The following RNF144A variants were observed in gnomAD, a reference collection of about 807,000 sequenced individuals.
The protein encoded by RNF144A is E3 ubiquitin-protein ligase RNF144A.
A neutral mutation model predicts 38.7 loss-of-function variants in RNF144A; 11 were observed. The observed-to-expected ratio is 0.28, with a 90% CI of 0.18 to 0.47. RNF144A has a LOEUF of 0.47. Ranked by LOEUF, RNF144A falls within the 20% of genes least tolerant of loss-of-function variation. The pLI is 0.99. For missense variants in RNF144A, 316 were observed against 377.2 expected, an observed-to-expected ratio of 0.84 and a Z score of 1.34; for synonymous variants, 149 against 143.9, an observed-to-expected ratio of 1.04 and a Z score of -0.25.
At chr2:6,983,454 T>C (rs1668764727) in intron 2 of RNF144A, among the ~76,000 whole-genome samples, 1 of 152,226 alleles carries the variant, frequency 6.6e-6, no homozygotes, top group Non-Finnish European at 1.5e-5. Context: ...ATCACGCCTC[T>C]GGCCATCGTG....
chr2:7,001,370 TAAAA>T (rs1174006365), intron 3 of RNF144A, among the ~76,000 whole-genome samples: 1 of 149,598 alleles, frequency 6.7e-6, no homozygotes. Context: ...TTAAAATAAA[TAAAA>T]AAATAAAAGT....
downstream of RNF144A, among the ~76,000 whole-genome samples, chr2:7,045,414 G>A (rs61494548): frequency 0.11 from 16,050 of 152,168 alleles, 911 homozygotes; most frequent in African/African-American, 0.13. Context: ...TTCTGAGAGC[G>A]GTAAGGAGGA....
At position 6,938,943 on chromosome 2, in the gene RNF144A, C is replaced by T. The variant is rs1665782592; in HGVS notation, c.-211-2005C>T. 2.6e-5 allele frequency among the ~76,000 whole-genome samples: 4 copies of T among 152,250 alleles called. No homozygotes were observed. The South Asian group carries it at 8.3e-4, about 32-fold the overall frequency. On this transcript the variant is annotated intron_variant, in intron 1 of 8. Transcript: ENST00000320892. ...TTCCTTTATGTGGCCAAATCCATTG[C>T]ATAGATTTGCCTCAGTCTTTTTTTT...
chr2:6,988,151 G>T (rs1169395948), intron 2 of RNF144A, among the ~76,000 whole-genome samples: 1 of 152,238 alleles, frequency 6.6e-6, no homozygotes, highest in Non-Finnish European at 1.5e-5. Context: ...TTTAGATACA[G>T]ATTTAGATGG....
intron 1 of RNF144A, among the ~76,000 whole-genome samples, chr2:6,920,287 C>G (rs1212511954): frequency 6.6e-6 from 1 of 152,158 alleles, no homozygotes; most frequent in South Asian, 2.1e-4. Flanking sequence ...ATCACAGAAC[C>G]AGGTGGGCCA....
chr2:7,041,327 T>G lies in RNF144A; in HGVS notation c.*1567T>G. 3 of 985,816 alleles carry G rather than the reference T, an allele frequency of 3.0e-6. No homozygotes were observed. The highest frequency in any genetic ancestry group is 3.6e-6 in the Non-Finnish European group (3 of 829,868). The allele number at this position is 985,816 out of a possible 1,614,324, so 61.1% of individuals were successfully genotyped here. A position where few individuals can be genotyped will look rare whatever the true frequency, so the allele number is the denominator to read the frequency against. ...CTTTCCCTGGTTGGAAATTTATTTC[T>G]TATTTCCTAACATTGAATTCGTTAG... On this transcript the variant is annotated 3_prime_UTR_variant, in exon 9 of 9. Coordinates refer to ENST00000320892, the MANE Select transcript of RNF144A (RefSeq NM_014746.6).
chr2:6,930,127 G>A (rs780254526), intron 1 of RNF144A, among the ~76,000 whole-genome samples: 5 of 152,192 alleles, frequency 3.3e-5, no homozygotes, highest in African/African-American at 4.8e-5. Context: ...ATGCACAAAT[G>A]TATTTCTTCA....
downstream of RNF144A, among the ~76,000 whole-genome samples, chr2:7,045,863 G>A (rs1036955683): frequency 6.6e-6 from 1 of 151,902 alleles, no homozygotes; most frequent in African/African-American, 2.4e-5. Flanking sequence ...ACGCTGGGTT[G>A]CACATCAATT....
intron 7 of RNF144A, among the ~76,000 whole-genome samples, chr2:7,029,304 G>A (rs996655418): frequency 8.5e-5 from 13 of 152,312 alleles, no homozygotes; most frequent in South Asian, 4.1e-4. Context: ...TAGAGGGCTC[G>A]GTATAGAAAT....
rs552763188 is a variant in RNF144A, at chr2:6,952,383, A to G, written c.-12+11236A>G. Among the ~76,000 whole-genome samples the G allele has an allele frequency of 6.4e-3, 597 of 93,714 alleles. 4 individuals are homozygous for G. The highest frequency in any genetic ancestry group is 0.027 in the African/African-American group (570 of 21,220). 61.5% of individuals were successfully genotyped at this position (93,714 alleles called of 152,430 possible). ...TCCTTAACTGCTTTTGTCTGATTGA[A>G]GAGGGAGGGTTTTTTTTTTTTCCTG... On this transcript the variant is annotated intron_variant, in intron 2 of 8. Transcript: ENST00000320892.
At chr2:6,921,691 A>G (rs1468611142) in intron 1 of RNF144A, among the ~76,000 whole-genome samples, 3 of 152,194 alleles carry the variant, frequency 2.0e-5, no homozygotes, top group Non-Finnish European at 2.9e-5. Context: ...GGGTCAGGGC[A>G]GCATGGGAGG....
chr2:6,972,186 C>G (rs1480853985), intron 2 of RNF144A, among the ~76,000 whole-genome samples: 1 of 152,156 alleles, frequency 6.6e-6, no homozygotes, highest in African/African-American at 2.4e-5. Flanking sequence ...ACTGGTCTGC[C>G]TCCTCTTCTT....
intron 3 of RNF144A, among the ~76,000 whole-genome samples, chr2:7,009,132 C>T (rs553361450): frequency 6.6e-6 from 1 of 152,196 alleles, no homozygotes; most frequent in Admixed American, 6.6e-5. Flanking sequence ...GACCCATACA[C>T]AGCATGCGGG....
At chr2:7,065,202 T>G (rs1646548485) in intron 6 of RNF144A, among the ~76,000 whole-genome samples, 1 of 152,270 alleles carries the variant, frequency 6.6e-6, no homozygotes, top group South Asian at 2.1e-4. Context: ...TAGTTTATAT[T>G]TCTTTTGTCC....
rs1673185114 is a variant in RNF144A, at chr2:7,043,724, G to T, written c.*3964G>T. The T allele has an allele frequency of 5.1e-6, 5 of 985,710 alleles. No individual in the cohort carries two copies. Among genetic ancestry groups the T allele is most frequent in the South Asian group, 9.4e-5 (2 of 21,290 alleles). The allele number at this position is 985,710 out of a possible 1,614,324, so 61.1% of individuals were successfully genotyped here. ...CGTCTTGATGTTTAAAAAACCCAGGGTCTCCACCCTTCCTTTGATTTGTGC... is the reference window on the plus strand; with the variant it reads ...CGTCTTGATGTTTAAAAAACCCAGGTTCTCCACCCTTCCTTTGATTTGTGC... On this transcript the variant is annotated 3_prime_UTR_variant, in exon 9 of 9. Transcript: ENST00000320892.
At chr2:7,037,195 C>T (rs935201482) in intron 8 of RNF144A, among the ~76,000 whole-genome samples, 6 of 152,162 alleles carry the variant, frequency 3.9e-5, no homozygotes, top group East Asian at 1.9e-4. Flanking sequence ...CTGCTGGCTG[C>T]GTAACTGGCA....
At chr2:6,964,728 C>A (rs893215197) in intron 2 of RNF144A, among the ~76,000 whole-genome samples, 1 of 151,742 alleles carries the variant, frequency 6.6e-6, no homozygotes, top group African/African-American at 2.4e-5. Flanking sequence ...GAACAAAAAA[C>A]CAAACACCAC....
intron 1 of RNF144A, among the ~76,000 whole-genome samples, chr2:6,919,853 A>G (rs1664418911): frequency 6.6e-6 from 1 of 152,256 alleles, no homozygotes; most frequent in African/African-American, 2.4e-5. Context: ...GCAAACTCAA[A>G]TGCACGATGC....
chr2:6,994,071 G>A (rs1669564103), intron 2 of RNF144A, among the ~76,000 whole-genome samples: 1 of 152,036 alleles, frequency 6.6e-6, no homozygotes, highest in Non-Finnish European at 1.5e-5. Flanking sequence ...ATAACCAAGT[G>A]GCCAAAAAAA....
Sources: allele counts gnomAD v4.1 joint callset (sites outside exome capture counted in the v4.1 genomes callset), GRCh38; gene constraint gnomAD v4.1.1; transcripts MANE v1.5; gene names NCBI Gene and HGNC (gene_info 2026-07-23, HGNC 2026-07-21).